CDS1: variants seen among roughly 807,000 people sequenced by gnomAD.
CDS1 encodes the protein CDP-diacylglycerol synthase 1, also known as phosphatidate cytidylyltransferase 1.
In CDS1, 41 loss-of-function variants were observed where a neutral mutation model predicts 62.1. The observed-to-expected ratio is 0.66, with a 90% CI of 0.51 to 0.86. The LOEUF is 0.86. Among genes scored for constraint, CDS1 ranks in the 40% least tolerant of loss-of-function variants. CDS1 has a pLI of 0.00. For missense variants in CDS1, 470 were observed against 550.1 expected (o/e 0.85, Z 1.46); for synonymous variants, 185 against 192.6 (o/e 0.96, Z 0.32).
In CDS1 at chr4:84,611,613, C is replaced by T. The variant is rs181007726; in HGVS notation, c.342+2088C>T. On this transcript the variant is annotated intron_variant, in intron 3 of 12. Transcript: ENST00000295887. ...TTTATAAGCACCTCAAAGCCTCTTT[C>T]ACTTCTCTTTTTGTCCTCTCATTAA... Among the ~76,000 whole-genome samples the T allele has an allele frequency of 2.4e-3, 366 of 152,308 alleles. 1 individual carries two copies. The highest frequency in any genetic ancestry group is 8.3e-3 in the African/African-American group (346 of 41,578).
At chr4:84,607,950 C>T (rs1034190238) in intron 2 of CDS1, among the ~76,000 whole-genome samples, 23 of 152,170 alleles carry the variant, frequency 1.5e-4, no homozygotes, top group Non-Finnish European at 8.8e-5. Flanking sequence ...ATTTTTCATA[C>T]AGAGCTGCCA....
At chr4:84,625,628 A>G (rs1723833408) in intron 5 of CDS1, among the ~76,000 whole-genome samples, 1 of 152,148 alleles carries the variant, frequency 6.6e-6, no homozygotes, top group Non-Finnish European at 1.5e-5. Flanking sequence ...CATTGAAGAT[A>G]GGGAAGGTAG....
At chr4:84,638,847 TTATATATATA>T (rs3840105) in intron 8 of CDS1, 67 bp from the exon 9 acceptor site, 2 of 300,012 alleles carry the variant, frequency 6.7e-6, no homozygotes, top group Non-Finnish European at 1.2e-5. Context: ...AGGAAATAGT[TTATATATATA>T]TATATATATA....
chr4:84,608,659 A>G (rs987951596), intron 2 of CDS1, among the ~76,000 whole-genome samples: 10 of 151,944 alleles, frequency 6.6e-5, no homozygotes, highest in African/African-American at 2.4e-4. Context: ...ATTATCTTTC[A>G]TTACTTATTC....
intron 5 of CDS1, among the ~76,000 whole-genome samples, chr4:84,626,099 G>A (rs1213110741): frequency 1.3e-5 from 2 of 152,046 alleles, no homozygotes; most frequent in Non-Finnish European, 2.9e-5. Context: ...CCCAGGAGGT[G>A]GAGGTTGCGG....
intron 1 of CDS1, among the ~76,000 whole-genome samples, chr4:84,601,385 G>T (rs1351937125): frequency 6.6e-6 from 1 of 152,118 alleles, no homozygotes; most frequent in Non-Finnish European, 1.5e-5. Context: ...ATGTGGAAGA[G>T]AGAGAAGTCC....
At chr4:84,593,689 A>C (rs796140589) in intron 1 of CDS1, among the ~76,000 whole-genome samples, 1 of 152,004 alleles carries the variant, frequency 6.6e-6, no homozygotes, top group Admixed American at 6.6e-5. Context: ...ATTTTCGTAG[A>C]GACGGGGTTT....
chr4:84,637,034 G>A (rs1724233793), intron 8 of CDS1, among the ~76,000 whole-genome samples: 1 of 152,142 alleles, frequency 6.6e-6, no homozygotes, highest in African/African-American at 2.4e-5. Context: ...AGTATTACCA[G>A]AGGAATTTGT....
At chr4:84,622,326 C>T (rs539189856) in intron 5 of CDS1, among the ~76,000 whole-genome samples, 2 of 152,190 alleles carry the variant, frequency 1.3e-5, no homozygotes, top group African/African-American at 4.8e-5. Flanking sequence ...CGGTGGCTCA[C>T]ACCTGTAATC....
chr4:84,626,411 A>C (rs1042777768), intron 5 of CDS1, among the ~76,000 whole-genome samples: 2 of 152,196 alleles, frequency 1.3e-5, no homozygotes, highest in Non-Finnish European at 1.5e-5. Context: ...ATTATAGTAC[A>C]TCACACCAGG....
At chr4:84,614,658 C>T (rs1323576187) in intron 3 of CDS1, among the ~76,000 whole-genome samples, 1 of 152,148 alleles carries the variant, frequency 6.6e-6, no homozygotes, top group Non-Finnish European at 1.5e-5. Flanking sequence ...CAGAGTAAAT[C>T]TGTTGTCAAA....
At chr4:84,622,641 T>C (rs1186908649) in intron 5 of CDS1, among the ~76,000 whole-genome samples, 1 of 152,140 alleles carries the variant, frequency 6.6e-6, no homozygotes. Context: ...AATTAAAACA[T>C]AAATCATTTC....
intron 5 of CDS1, among the ~76,000 whole-genome samples, chr4:84,628,981 T>A (rs544028411): frequency 5.3e-4 from 81 of 152,324 alleles, no homozygotes; most frequent in African/African-American, 1.9e-3. Context: ...AGATAAATGA[T>A]GATAAGTATA....
At chr4:84,616,666 T>C (rs918622484) in intron 3 of CDS1, among the ~76,000 whole-genome samples, 11 of 152,236 alleles carry the variant, frequency 7.2e-5, no homozygotes, top group African/African-American at 2.4e-4. Flanking sequence ...GCTAGTCTGC[T>C]GTATTCACAA....
intron 5 of CDS1, among the ~76,000 whole-genome samples, chr4:84,631,020 TATC>T (rs1724002669): frequency 6.6e-6 from 1 of 152,166 alleles, no homozygotes; most frequent in Admixed American, 6.5e-5. Context: ...TTTAATAAAT[TATC>T]ATTGTAATAA....
chr4:84,618,107 T>C (rs1390125961), intron 4 of CDS1, among the ~76,000 whole-genome samples: 2 of 152,194 alleles, frequency 1.3e-5, no homozygotes, highest in African/African-American at 2.4e-5. Context: ...CATAATGATA[T>C]TAACATTTAA....
chr4:84,635,000 A>G (rs77386195), intron 7 of CDS1, among the ~76,000 whole-genome samples: 2,850 of 152,312 alleles, frequency 0.019, 84 homozygotes, highest in African/African-American at 0.065. Context: ...GAAAACATCC[A>G]TAACTGTAGA....
intron 2 of CDS1, among the ~76,000 whole-genome samples, chr4:84,607,731 AT>A (rs201836158): frequency 6.6e-6 from 1 of 151,290 alleles, no homozygotes; most frequent in African/African-American, 2.4e-5. Context: ...CCCTGTCTCT[AT>A]TTTTTTTTAA....
intron 3 of CDS1, among the ~76,000 whole-genome samples, chr4:84,611,946 G>C (rs1158906686): frequency 6.6e-6 from 1 of 151,988 alleles, no homozygotes; most frequent in African/African-American, 2.4e-5. Flanking sequence ...AGTGTGTGCA[G>C]AGCACTTTTC....
Sources: gnomAD v4.1 joint callset for allele counts (sites outside exome capture counted in the v4.1 genomes callset) on GRCh38, gnomAD v4.1.1 for gene constraint, MANE v1.5 for transcripts, NCBI Gene and HGNC (gene_info 2026-07-23, HGNC 2026-07-21) for gene names.